Variants in NTRK1 observed in about 807,000 individuals in gnomAD.
The protein encoded by NTRK1 is high affinity nerve growth factor receptor.
Under a neutral mutation model 86.8 loss-of-function variants are expected in NTRK1, and 62 were observed. The observed-to-expected ratio is 0.71, with a 90% CI of 0.58 to 0.88. The LOEUF (loss-of-function observed/expected upper bound fraction) is 0.88. Among genes scored for constraint, NTRK1 ranks in the 40% least tolerant of loss-of-function variants. The pLI, the probability that NTRK1 is intolerant of heterozygous loss-of-function variation, is 0.00. For synonymous variants in NTRK1, 469 were observed against 456.6 expected, an observed-to-expected ratio of 1.03 and a Z score of -0.35; for missense variants, 967 against 1,078.4, an observed-to-expected ratio of 0.90 and a Z score of 1.45.
upstream of NTRK1, among the ~76,000 whole-genome samples, chr1:156,856,073 T>C (rs1162941346): frequency 6.6e-6 from 1 of 152,064 alleles, no homozygotes; most frequent in Non-Finnish European, 1.5e-5. Context: ...CCTCCCAAAG[T>C]GATGGGATTA....
intron 2 of NTRK1, chr1:156,853,974 C>T (rs774012680): frequency 6.2e-7 from 1 of 1,612,812 alleles, no homozygotes; most frequent in South Asian, 1.1e-5. Context: ...TCCACACGCA[C>T]AGCCCCACGC....
chr1:156,851,692 G>A, intron 2 of NTRK1: 2 of 1,614,184 alleles, frequency 1.2e-6, no homozygotes, highest in South Asian at 1.1e-5. Flanking sequence ...CATGCGTGCA[G>A]CCCACAAGAT....
chr1:156,856,375 A>G (rs1244251504), upstream of NTRK1, among the ~76,000 whole-genome samples: 1 of 152,212 alleles, frequency 6.6e-6, no homozygotes, highest in Non-Finnish European at 1.5e-5. Flanking sequence ...CCCAGTCTTA[A>G]GGGAGTTAGA....
chr1:156,839,738 C>T (rs960651135), intron 1 of NTRK1, among the ~76,000 whole-genome samples: 1 of 152,078 alleles, frequency 6.6e-6, no homozygotes, highest in South Asian at 2.1e-4. Context: ...CCCAGTGGAC[C>T]GATATAACGA....
rs1655189377 is a variant in NTRK1, at chr1:156,851,146, A to G, written c.50+8953A>G. On this transcript the variant is annotated intron_variant, in intron 2 of 16. Transcript: ENST00000392302. ...CCCTATTTTACAGATGAGAAAACTG[A>G]AGACCAGAGAAGTTAACCTACTTAG... 11 of 831,792 alleles carry G rather than the reference A, an allele frequency of 1.3e-5. No individual in the cohort carries two copies. The East Asian group carries it at 2.7e-4, about 20-fold the overall frequency. The allele number at this position is 831,792 out of a possible 1,614,324, so 51.5% of individuals were successfully genotyped here. A position where few individuals can be genotyped will look rare whatever the true frequency, so the allele number is the denominator to read the frequency against.
upstream of NTRK1, chr1:156,858,579 C>G: frequency 6.2e-7 from 1 of 1,614,080 alleles, no homozygotes; most frequent in Non-Finnish European, 8.5e-7. Flanking sequence ...AGGAAGATCA[C>G]AGGCAGGCAT....
chr1:156,846,440 C>T, intron 2 of NTRK1: 2 of 1,196,784 alleles, frequency 1.7e-6, no homozygotes, highest in Non-Finnish European at 2.4e-6. Context: ...GCCCCGGCTT[C>T]TCTATTTCTG....
intron 2 of NTRK1, chr1:156,846,577 C>A: frequency 6.2e-7 from 1 of 1,614,234 alleles, no homozygotes; most frequent in Non-Finnish European, 8.5e-7. Flanking sequence ...GAGGGCTGTC[C>A]TCCTCAGTGG....
intron 1 of NTRK1, chr1:156,841,234 T>A: frequency 1.1e-6 from 1 of 943,408 alleles, no homozygotes; most frequent in Non-Finnish European, 1.6e-6. Flanking sequence ...GAGAAGGGAT[T>A]AAATGGGAGT....
intron 4 of NTRK1, 99 bp downstream of exon 4, chr1:156,867,077 C>T: frequency 8.0e-7 from 1 of 1,252,146 alleles, no homozygotes; most frequent in East Asian, 2.3e-5. Context: ...GTCTGTGTGA[C>T]ACTGCTGGGG....
At chr1:156,839,440 A>G (rs1406987955) in intron 1 of NTRK1, among the ~76,000 whole-genome samples, 1 of 152,218 alleles carries the variant, frequency 6.6e-6, no homozygotes, top group African/African-American at 2.4e-5. Flanking sequence ...ATTCTTTTGC[A>G]ACCCTTCCCT....
chr1:156,832,452 G>A (rs919898113), intron 1 of NTRK1, among the ~76,000 whole-genome samples: 1 of 152,192 alleles, frequency 6.6e-6, no homozygotes, highest in Non-Finnish European at 1.5e-5. Flanking sequence ...GCAAGGGGAA[G>A]AGAAATCAGT....
At chr1:156,860,218 A>AGCGCGGGCGGGGAGCTCGCGCCTTTGC (rs1164977810), upstream of NTRK1, among the ~76,000 whole-genome samples, 5 of 152,088 alleles carry the variant, frequency 3.3e-5, no homozygotes, top group Admixed American at 2.6e-4. Flanking sequence ...CCAGGCACCC[A>AGCGCGGGCGGGGAGCTCGCGCCTTTGC]GCGCGGGCGG....
chr1:156,844,172 C>A (rs1654900645), intron 2 of NTRK1: 1 of 1,609,814 alleles, frequency 6.2e-7, no homozygotes, highest in East Asian at 2.2e-5. Context: ...GACTTATCAT[C>A]ACCTCTTCTT....
rs1647729747 is a variant in NTRK1, at chr1:156,873,913, C to T, written c.1131C>T (p.Ala377=). 1.9e-6 allele frequency: 3 copies of T among 1,566,384 alleles called. No homozygotes were observed. The highest frequency in any genetic ancestry group is 2.7e-5 in the African/African-American group (2 of 73,674). ...AGGCCTCCGCCTCCATCATGGCTGC[C>T]TTCATGGACAACCCTTTCGAGTTCA... is the stretch of plus-strand genomic sequence containing the variant. ...FGQASASIMA[A]FMDNPFEFNP... is the part of the protein sequence containing the mutation. Residue 377 remains alanine (A), a synonymous_variant, in exon 8 of 17, where the codon GCC becomes GCT. Coordinates refer to ENST00000524377, the MANE Select transcript of NTRK1 (RefSeq NM_002529.4).
intron 2 of NTRK1, 138 bp from the exon 3 acceptor site, chr1:156,864,590 G>A: frequency 1.8e-6 from 2 of 1,129,970 alleles, no homozygotes. Context: ...GGGGTCTAGA[G>A]TAGTTGAGGA....
chr1:156,841,496 G>T (rs755019469), intron 1 of NTRK1: 6 of 1,614,008 alleles, frequency 3.7e-6, no homozygotes, highest in Admixed American at 1.7e-5. Flanking sequence ...TTCTGCCAGG[G>T]TCACAATCTC....
chr1:156,841,821 A>T (rs1342330218), intron 1 of NTRK1: 1 of 1,613,812 alleles, frequency 6.2e-7, no homozygotes, highest in African/African-American at 1.3e-5. Context: ...AGGGTGGAGG[A>T]GGTGTGGGGC....
chr1:156,829,648 CTTTTTCT>C, intron 1 of NTRK1, among the ~76,000 whole-genome samples: 1 of 152,096 alleles, frequency 6.6e-6, no homozygotes, highest in Middle Eastern at 3.4e-3. Context: ...AACCAGTTGT[CTTTTTCT>C]TTTTTCTTTT....
Sources: allele counts gnomAD v4.1 joint callset (sites outside exome capture counted in the v4.1 genomes callset), GRCh38; gene constraint gnomAD v4.1.1; transcripts MANE v1.5; gene names NCBI Gene and HGNC (gene_info 2026-07-23, HGNC 2026-07-21).